The following CSF1R variants were observed in gnomAD, a reference collection of about 807,000 sequenced individuals.
CSF1R encodes colony stimulating factor 1 receptor, also known as macrophage colony-stimulating factor 1 receptor.
CSF1R carries 40 observed loss-of-function variants against 110.0 expected under a neutral mutation model. That is an observed-to-expected ratio of 0.36 (90% CI 0.28 to 0.47). The LOEUF is 0.47. Ranked by LOEUF, CSF1R falls within the 20% of genes least tolerant of loss-of-function variation. The pLI is 0.99. For missense variants in CSF1R, 1,052 were observed against 1,253.0 expected, an observed-to-expected ratio of 0.84 and a Z score of 2.42; for synonymous variants, 523 against 503.4, an observed-to-expected ratio of 1.04 and a Z score of -0.52.
chr5:150,105,389 T>A (rs866782422), intron 1 of CSF1R, among the ~76,000 whole-genome samples: 1,388 of 115,742 alleles, frequency 0.012, 9 homozygotes, highest in Non-Finnish European at 0.017. Flanking sequence ...TATATATTTT[T>A]TTTTTTTTAA....
At chr5:150,103,155 C>T (rs1025174086) in intron 1 of CSF1R, among the ~76,000 whole-genome samples, 3 of 152,212 alleles carry the variant, frequency 2.0e-5, no homozygotes, top group East Asian at 3.8e-4. Flanking sequence ...AGCCAGAATC[C>T]GAATTTTCTG....
At chr5:150,088,465 A>G (rs1758931384), upstream of CSF1R, among the ~76,000 whole-genome samples, 2 of 152,188 alleles carry the variant, frequency 1.3e-5, no homozygotes, top group African/African-American at 4.8e-5. Flanking sequence ...AGACCAATAC[A>G]AATGCATGAA....
chr5:150,054,753 G>T, intron 19 of CSF1R: 1 of 293,802 alleles, frequency 3.4e-6, no homozygotes, highest in South Asian at 6.7e-5. Flanking sequence ...TTGGGAGGTT[G>T]ATGCAGGAGG....
intron 1 of CSF1R, among the ~76,000 whole-genome samples, chr5:150,084,681 T>C (rs548731984): frequency 5.9e-5 from 9 of 152,038 alleles, no homozygotes; most frequent in Middle Eastern, 3.4e-3. Context: ...CTGAAACTCC[T>C]GATCTTGTGA....
Position 150,073,372 on chromosome 5 carries a change from G to A in CSF1R, c.1011C>T (p.Thr337=), listed in dbSNP as rs1324044886. ...GGTGGTCAGAAAAGGGTCCCAGGTAGGTCCAGTTAAAACCTTGCAGGCCTG... is the reference window on the plus strand; with the variant it reads ...GGTGGTCAGAAAAGGGTCCCAGGTAAGTCCAGTTAAAACCTTGCAGGCCTG... The part of the protein sequence containing the change: ...AYPGLQGFNW[T]YLGPFSDHQP... Residue 337 remains threonine, a synonymous_variant, in exon 6 of 21, where the codon ACC becomes ACT. Coordinates refer to ENST00000675795, the MANE Select transcript of CSF1R (RefSeq NM_001288705.3). The A allele has an allele frequency of 1.2e-6, 2 of 1,614,132 alleles. No homozygotes were observed. Among genetic ancestry groups the A allele is most frequent in the African/African-American group, 2.7e-5 (2 of 75,020 alleles).
In CSF1R at chr5:150,059,711, T is replaced by C; in HGVS notation, c.2121A>G (p.Lys707=). 2 of 1,613,892 alleles carry C rather than the reference T, an allele frequency of 1.2e-6. No individual in the cohort carries two copies. The highest frequency in any genetic ancestry group is 1.7e-6 in the Non-Finnish European group (2 of 1,179,796). The change falls in exon 14 of 21, where the codon AAA becomes AAG. Residue 707 remains lysine (K), a synonymous_variant. Transcript: ENST00000675795. ...VDYKNIHLEK[K]YVRRDSGFSS... Reference sequence around the variant, plus strand: ...TTGCCAGGGGCTACCTGCGGACATATTTCTTCTCGAGGTGGATGTTCTTAT... The same window carrying C: ...TTGCCAGGGGCTACCTGCGGACATACTTCTTCTCGAGGTGGATGTTCTTAT...
At chr5:150,059,679 T>C in intron 14 of CSF1R, 21 bp downstream of exon 14, 1 of 1,611,430 alleles carries the variant, frequency 6.2e-7, no homozygotes, top group Non-Finnish European at 8.5e-7. Flanking sequence ...GGCCTTTTTC[T>C]TGTCCTTTGC....
Position 150,078,357 on chromosome 5 carries a change from T to C in CSF1R, c.593-109A>G, listed in dbSNP as rs1016497452. On this transcript the variant is annotated intron_variant, in intron 3 of 20. Coordinates refer to ENST00000675795, the MANE Select transcript of CSF1R (RefSeq NM_001288705.3). ...ACACACAGGCCAGGGTCCCCATCAC[T>C]GCCCCATCCCAAATCCTGGGAGGCA... 4.3e-6 allele frequency: 6 copies of C among 1,386,794 alleles called. No individual in the cohort carries two copies. The Admixed American group carries it at 1.2e-4, about 27-fold the overall frequency. 85.9% of individuals were successfully genotyped at this position (1,386,794 alleles called of 1,614,324 possible).
At chr5:150,060,599 G>C (rs1345415152) in intron 13 of CSF1R, among the ~76,000 whole-genome samples, 1 of 152,106 alleles carries the variant, frequency 6.6e-6, no homozygotes, top group Non-Finnish European at 1.5e-5. Flanking sequence ...TGGAAGCAGG[G>C]CCTAGGAGCT....
intron 10 of CSF1R, among the ~76,000 whole-genome samples, chr5:150,066,533 C>T (rs1003004965): frequency 2.0e-5 from 3 of 152,272 alleles, no homozygotes; most frequent in Middle Eastern, 3.4e-3. Flanking sequence ...GAGAGGACAG[C>T]GAGTCAGCTG....
chr5:150,080,692 G>T, intron 2 of CSF1R, 75 bp downstream of exon 2: 1 of 1,566,554 alleles, frequency 6.4e-7, no homozygotes, highest in South Asian at 1.1e-5. Context: ...GAATTGTTAC[G>T]ATTGTTAATT....
At chr5:150,055,373 T>G in intron 18 of CSF1R, 37 bp from the exon 19 acceptor site, 2 of 1,564,486 alleles carry the variant, frequency 1.3e-6, no homozygotes, top group Non-Finnish European at 1.8e-6. Context: ...GCCATGCCCA[T>G]TGTCTTCTCC....
At chr5:150,057,951 C>T (rs1757327798) in intron 14 of CSF1R, among the ~76,000 whole-genome samples, 1 of 152,146 alleles carries the variant, frequency 6.6e-6, no homozygotes, top group African/African-American at 2.4e-5. Context: ...ATTCTAGGGC[C>T]CCTTGTGCCC....
chr5:150,099,545 C>A (rs1476268388), intron 1 of CSF1R, among the ~76,000 whole-genome samples: 4 of 152,126 alleles, frequency 2.6e-5, no homozygotes, highest in African/African-American at 9.7e-5. Context: ...CGCTACTCAG[C>A]AATTAAGTGG....
intron 10 of CSF1R, 143 bp downstream of exon 10, chr5:150,068,072 T>A: frequency 1.5e-6 from 1 of 649,992 alleles, no homozygotes; most frequent in Non-Finnish European, 2.7e-6. Flanking sequence ...CTGACTCATG[T>A]TGGCATACAG....
chr5:150,112,380 T>C (rs575763100), intron 1 of CSF1R, among the ~76,000 whole-genome samples: 1 of 152,314 alleles, frequency 6.6e-6, no homozygotes, highest in East Asian at 1.9e-4. Flanking sequence ...GCATAGTAAC[T>C]GTTGGATAGT....
At chr5:150,099,741 AG>A (rs1477216053) in intron 1 of CSF1R, among the ~76,000 whole-genome samples, 1 of 5,862 alleles carries the variant, frequency 1.7e-4, no homozygotes, top group Non-Finnish European at 3.2e-4. Context: ...AAGAACCGGC[AG>A]GGGGGTGGGG....
At chr5:150,073,063 G>A (rs1758095158) in intron 6 of CSF1R, among the ~76,000 whole-genome samples, 1 of 152,118 alleles carries the variant, frequency 6.6e-6, no homozygotes, top group Non-Finnish European at 1.5e-5. Flanking sequence ...TCCTTGGGTG[G>A]GGCATTGACT....
intron 10 of CSF1R, 73 bp downstream of exon 10, chr5:150,068,142 C>A: frequency 8.6e-7 from 1 of 1,158,996 alleles, no homozygotes; most frequent in Non-Finnish European, 1.3e-6. Flanking sequence ...AAGGGTGAAT[C>A]CATGCAGCCT....
Sources: gnomAD v4.1 joint callset for allele counts (sites outside exome capture counted in the v4.1 genomes callset) on GRCh38, gnomAD v4.1.1 for gene constraint, MANE v1.5 for transcripts, NCBI Gene and HGNC (gene_info 2026-07-23, HGNC 2026-07-21) for gene names.